WDSUB1: variants seen among roughly 807,000 people sequenced by gnomAD.
WDSUB1 encodes WD repeat, SAM and U-box domain-containing protein 1.
In WDSUB1, 49 loss-of-function variants were observed where a neutral mutation model predicts 53.9. That is an observed-to-expected ratio of 0.91 (90% confidence interval 0.72 to 1.15). The LOEUF (loss-of-function observed/expected upper bound fraction) is 1.15, where lower values mean the gene tolerates loss of function less well. Ranked by LOEUF, WDSUB1 falls within the 50% of genes most tolerant of loss-of-function variation. WDSUB1 has a pLI of 0.00. For missense variants in WDSUB1, 514 were observed against 562.0 expected, an observed-to-expected ratio of 0.91 and a Z score of 0.86; for synonymous variants, 194 against 200.6, an observed-to-expected ratio of 0.97 and a Z score of 0.28.
chr2:159,250,264 A>G (rs1450058291), intron 9 of WDSUB1, among the ~76,000 whole-genome samples: 1 of 152,128 alleles, frequency 6.6e-6, no homozygotes, highest in Non-Finnish European at 1.5e-5. Context: ...CTTTCCTCTG[A>G]CTTCCTTCCA....
At chr2:159,241,386 AC>A (rs1401737160) in intron 10 of WDSUB1, among the ~76,000 whole-genome samples, 3 of 152,230 alleles carry the variant, frequency 2.0e-5, no homozygotes, top group Admixed American at 6.5e-5. Flanking sequence ...ACGTGGCAAA[AC>A]CCTGTCTCTA....
chr2:159,281,197 G>A (rs1394583073), intron 2 of WDSUB1, among the ~76,000 whole-genome samples: 1 of 152,056 alleles, frequency 6.6e-6, no homozygotes, highest in Non-Finnish European at 1.5e-5. Flanking sequence ...AAAAGCGCAT[G>A]GTTTCTAATG....
chr2:159,248,382 G>A lies in WDSUB1; in HGVS notation c.1263C>T (p.Val421=), dbSNP rs1206575374. The A allele has an allele frequency of 1.2e-6, 2 of 1,611,612 alleles. No homozygotes were observed. Among genetic ancestry groups the A allele is most frequent in the African/African-American group, 2.7e-5 (2 of 74,698 alleles). ...PITRELMKDP[V]IASDGYSYEK... is the part of the protein sequence containing the mutation. The stretch of plus-strand genomic sequence containing the variant: ...TAGCATCACACATACCTGATGCGAT[G>A]ACCGGATCTTTCATAAGTTCTCTAG... The change falls in exon 10 of 11, where the codon GTC becomes GTT. Residue 421 remains valine (V), a synonymous_variant. Transcript: ENST00000359774.
intron 1 of WDSUB1, among the ~76,000 whole-genome samples, chr2:159,284,586 G>A (rs1335233502): frequency 6.6e-6 from 1 of 152,090 alleles, no homozygotes; most frequent in South Asian, 2.1e-4. Context: ...CTGATAAATA[G>A]TAAAATTATA....
chr2:159,265,102 A>AAACAAC (rs139666411), intron 5 of WDSUB1, among the ~76,000 whole-genome samples: 5 of 146,450 alleles, frequency 3.4e-5, no homozygotes, highest in African/African-American at 5.3e-5. Context: ...AAAAAAAATA[A>AAACAAC]AACAACAACA....
chr2:159,246,476 C>T (rs189028266), intron 10 of WDSUB1, among the ~76,000 whole-genome samples: 1 of 148,976 alleles, frequency 6.7e-6, no homozygotes, highest in African/African-American at 2.4e-5. Flanking sequence ...TTCATATCCA[C>T]TAAAATGGCA....
rs1288029459 is a variant in WDSUB1, at chr2:159,257,759, T to G, written c.951A>C (p.Gln317His). The G allele has an allele frequency of 1.9e-6, 3 of 1,613,248 alleles. No homozygotes were observed. The highest frequency in any genetic ancestry group is 2.5e-6 in the Non-Finnish European group (3 of 1,179,208). Residue 317 changes from glutamine (Q) to histidine (H), a missense_variant and splice_region_variant, in exon 8 of 11, where the codon CAA becomes CAC. Coordinates refer to ENST00000359774, the MANE Select transcript of WDSUB1 (RefSeq NM_001128212.3). ...GTGAAAAATGATGTCCTTACTAACC[T>G]TGGCAAAGTGTTTCCAGGTCAAATT... ...IWQFDLETLC[Q>H]ARRTEHQLKQ...
intron 10 of WDSUB1, among the ~76,000 whole-genome samples, chr2:159,243,066 T>C (rs1296351045): frequency 6.8e-6 from 1 of 147,820 alleles, no homozygotes. Context: ...AGAAAGAAAT[T>C]GGTTCAATTC....
chr2:159,237,081 T>C (rs932158090), intron 10 of WDSUB1, among the ~76,000 whole-genome samples: 1 of 152,244 alleles, frequency 6.6e-6, no homozygotes, highest in East Asian at 1.9e-4. Flanking sequence ...CTACAGTACA[T>C]ATCACTGTTT....
intron 2 of WDSUB1, among the ~76,000 whole-genome samples, chr2:159,280,952 G>A (rs1475173340): frequency 1.3e-5 from 2 of 152,156 alleles, no homozygotes; most frequent in African/African-American, 4.8e-5. Context: ...TATAGAGCCA[G>A]AAGTCATCAT....
At chr2:159,246,232 A>T (rs1447279078) in intron 10 of WDSUB1, among the ~76,000 whole-genome samples, 1 of 152,112 alleles carries the variant, frequency 6.6e-6, no homozygotes, top group Non-Finnish European at 1.5e-5. Flanking sequence ...GGAGATCGAG[A>T]CCATCCTGGC....
intron 10 of WDSUB1, among the ~76,000 whole-genome samples, chr2:159,244,917 G>A (rs1032990070): frequency 5.3e-5 from 8 of 152,126 alleles, no homozygotes; most frequent in Admixed American, 5.2e-4. Flanking sequence ...GCAACAGAAT[G>A]AGACCTCATC....
At chr2:159,240,557 C>A (rs751399054) in intron 10 of WDSUB1, among the ~76,000 whole-genome samples, 1 of 152,152 alleles carries the variant, frequency 6.6e-6, no homozygotes, top group East Asian at 1.9e-4. Context: ...TGACACTGAC[C>A]GTCTTTTGAA....
chr2:159,282,067 T>A (rs1339468359), intron 2 of WDSUB1, among the ~76,000 whole-genome samples: 3 of 149,898 alleles, frequency 2.0e-5, no homozygotes, highest in Non-Finnish European at 4.5e-5. Flanking sequence ...CTCTTACAAT[T>A]AAAAAAAAAA....
rs576541559 is a variant in WDSUB1, at chr2:159,243,328, G to C, written c.1273+5044C>G. Among the ~76,000 whole-genome samples the C allele has an allele frequency of 1.4e-3, 205 of 147,554 alleles. 2 individuals carry two copies. Among genetic ancestry groups the C allele is most frequent in the Non-Finnish European group, 2.3e-3 (155 of 67,910 alleles). ...GTCGGAAGACAGTAGGGAGATCATG[G>C]GTCCAGTTATAATTTGGAAGTGCTC... On this transcript the variant is annotated intron_variant, in intron 10 of 10. Transcript: ENST00000359774.
chr2:159,260,905 CAGGATTCACACCTATT>C (rs1221815120), intron 5 of WDSUB1, among the ~76,000 whole-genome samples: 1 of 152,194 alleles, frequency 6.6e-6, no homozygotes, highest in Non-Finnish European at 1.5e-5. Context: ...AGTCTGACCA[CAGGATTCACACCTATT>C]AGCTTAAAAT....
At chr2:159,250,984 C>G (rs1029455703) in intron 9 of WDSUB1, among the ~76,000 whole-genome samples, 16 of 151,940 alleles carry the variant, frequency 1.1e-4, no homozygotes, top group African/African-American at 2.9e-4. Flanking sequence ...GAAAAGGAGG[C>G]TGGGTGTAGT....
intron 10 of WDSUB1, among the ~76,000 whole-genome samples, chr2:159,241,230 C>G (rs1200600611): frequency 6.6e-6 from 1 of 152,204 alleles, no homozygotes; most frequent in Non-Finnish European, 1.5e-5. Context: ...GGCATTTCTA[C>G]TCTTTAGCCC....
intron 4 of WDSUB1, among the ~76,000 whole-genome samples, chr2:159,274,026 A>C (rs2061492600): frequency 6.6e-6 from 1 of 152,218 alleles, no homozygotes; most frequent in Admixed American, 6.5e-5. Context: ...TCAAGGAAGG[A>C]ATTAATAAAA....
Sources: gnomAD v4.1 joint callset for allele counts (sites outside exome capture counted in the v4.1 genomes callset) on GRCh38, gnomAD v4.1.1 for gene constraint, MANE v1.5 for transcripts, NCBI Gene and HGNC (gene_info 2026-07-23, HGNC 2026-07-21) for gene names.